Variants in TOX observed in about 807,000 individuals in gnomAD.
TOX encodes the protein thymocyte selection associated high mobility group box, also known as thymocyte selection-associated high mobility group box protein TOX.
A neutral mutation model predicts 53.7 loss-of-function variants in TOX; 11 were observed. The observed-to-expected ratio is 0.20, with a 90% CI of 0.13 to 0.34. The LOEUF (loss-of-function observed/expected upper bound fraction) is 0.34, where lower values mean the gene tolerates loss of function less well. TOX is among the 10% of genes least tolerant of loss of function. TOX has a pLI of 1.00. For missense variants in TOX, 570 were observed against 664.6 expected, an observed-to-expected ratio of 0.86 and a Z score of 1.56; for synonymous variants, 225 against 245.3, an observed-to-expected ratio of 0.92 and a Z score of 0.77.
chr8:58,939,936 A>G (rs1812408423), intron 2 of TOX, among the ~76,000 whole-genome samples: 1 of 152,230 alleles, frequency 6.6e-6, no homozygotes, highest in Non-Finnish European at 1.5e-5. Context: ...CCTACTGCTC[A>G]GATCATGGGA....
At chr8:59,021,481 A>AAAAAATATAT (rs59174995) in intron 1 of TOX, among the ~76,000 whole-genome samples, 5 of 64,736 alleles carry the variant, frequency 7.7e-5, no homozygotes, top group African/African-American at 1.1e-4. Flanking sequence ...AAAAAAAAAA[A>AAAAAATATAT]ATATATATAT....
intron 3 of TOX, among the ~76,000 whole-genome samples, chr8:58,874,290 C>T (rs1170892557): frequency 6.6e-6 from 1 of 151,866 alleles, no homozygotes; most frequent in Non-Finnish European, 1.5e-5. Context: ...TTTAGTAATA[C>T]AGGAGTGCCT....
intron 1 of TOX, among the ~76,000 whole-genome samples, chr8:59,084,450 C>G (rs1330770925): frequency 1.3e-5 from 2 of 152,112 alleles, no homozygotes; most frequent in African/African-American, 4.8e-5. Flanking sequence ...AAAAATACAC[C>G]TATCCATGCA....
intron 1 of TOX, among the ~76,000 whole-genome samples, chr8:58,988,875 G>T (rs962021858): frequency 3.3e-5 from 5 of 152,168 alleles, no homozygotes; most frequent in Admixed American, 2.6e-4. Flanking sequence ...GCAACTGTGA[G>T]ACTTGGAGAA....
chr8:58,893,594 T>C (rs567951938), intron 3 of TOX, among the ~76,000 whole-genome samples: 9 of 152,338 alleles, frequency 5.9e-5, no homozygotes, highest in African/African-American at 2.2e-4. Context: ...AGAGTTAATT[T>C]AGTAGCTCTC....
chr8:58,841,258 TA>T (rs1456079041), intron 4 of TOX, among the ~76,000 whole-genome samples: 1 of 152,196 alleles, frequency 6.6e-6, no homozygotes, highest in African/African-American at 2.4e-5. Flanking sequence ...AGCTTGTAAT[TA>T]CACAATAATG....
At chr8:58,895,292 G>A (rs1309596843) in intron 3 of TOX, among the ~76,000 whole-genome samples, 2 of 152,048 alleles carry the variant, frequency 1.3e-5, no homozygotes, top group African/African-American at 4.8e-5. Context: ...GTTAGTCTTT[G>A]GAAAAGTTTA....
chr8:59,021,648 T>C (rs560767072), intron 1 of TOX, among the ~76,000 whole-genome samples: 1 of 151,666 alleles, frequency 6.6e-6, no homozygotes, highest in Non-Finnish European at 1.5e-5. Context: ...CAAAAATAGA[T>C]TGGTTTTCTC....
intron 1 of TOX, among the ~76,000 whole-genome samples, chr8:59,037,507 A>G (rs1803490751): frequency 6.6e-6 from 1 of 152,144 alleles, no homozygotes; most frequent in Non-Finnish European, 1.5e-5. Flanking sequence ...CTTTGGGTCT[A>G]CATATTTCTT....
chr8:58,987,619 G>A (rs1813357465), intron 1 of TOX, among the ~76,000 whole-genome samples: 1 of 152,248 alleles, frequency 6.6e-6, no homozygotes, highest in African/African-American at 2.4e-5. Flanking sequence ...CTGGAACTCA[G>A]TTCTCAATCA....
intron 1 of TOX, among the ~76,000 whole-genome samples, chr8:59,012,699 A>T (rs1282506994): frequency 6.6e-6 from 1 of 152,164 alleles, no homozygotes. Flanking sequence ...AAAATAGCAC[A>T]TTTTTTAGAA....
chr8:58,987,643 C>T (rs1004681283), intron 1 of TOX, among the ~76,000 whole-genome samples: 6 of 152,188 alleles, frequency 3.9e-5, no homozygotes, highest in Non-Finnish European at 7.3e-5. Context: ...TTAAGGTCAA[C>T]GACATGAAAA....
At chr8:58,977,368 T>C (rs1813120849) in intron 1 of TOX, among the ~76,000 whole-genome samples, 3 of 152,230 alleles carry the variant, frequency 2.0e-5, no homozygotes. Flanking sequence ...TGCTCTGGAT[T>C]AGGCCTTGGT....
intron 3 of TOX, among the ~76,000 whole-genome samples, chr8:58,887,933 C>T (rs1337096388): frequency 6.6e-6 from 1 of 152,012 alleles, no homozygotes; most frequent in Non-Finnish European, 1.5e-5. Flanking sequence ...GTGATTTTGT[C>T]ACTGTGTAAA....
At position 58,808,228 on chromosome 8, in the gene TOX, A is replaced by C. The variant is rs746953073; in HGVS notation, c.1434T>G (p.Pro478=). The change falls in exon 8 of 9, where the codon CCT becomes CCG. Residue 478 remains proline (P), a synonymous_variant. Coordinates refer to ENST00000361421, the MANE Select transcript of TOX (RefSeq NM_014729.3). ...LQPDYQTIIN[P]TSTAAQVVTQ... ...TGACAACTTGTGCAGCTGTAGATGT[A>C]GGATTGATAATAGTCTGATAGTCGG... 5 of 1,614,060 alleles carry C rather than the reference A, an allele frequency of 3.1e-6. No individual in the cohort carries two copies. Among genetic ancestry groups the C allele is most frequent in the African/African-American group, 1.3e-5 (1 of 75,056 alleles).
intron 3 of TOX, among the ~76,000 whole-genome samples, chr8:58,910,750 C>T (rs1016837166): frequency 2.0e-5 from 3 of 152,218 alleles, no homozygotes; most frequent in East Asian, 1.9e-4. Flanking sequence ...AAGAAATAGG[C>T]GCAAAGAAAT....
chr8:59,054,432 A>G (rs74611828), intron 1 of TOX, among the ~76,000 whole-genome samples: 2 of 152,244 alleles, frequency 1.3e-5, no homozygotes, highest in African/African-American at 2.4e-5. Flanking sequence ...TTGCCAATCT[A>G]TCCTTAGAGT....
At chr8:58,909,318 C>G (rs1193907849) in intron 3 of TOX, among the ~76,000 whole-genome samples, 1 of 152,016 alleles carries the variant, frequency 6.6e-6, no homozygotes, top group Admixed American at 6.6e-5. Context: ...ATGTAACAGG[C>G]CTGCACGTCC....
At chr8:58,990,959 G>A (rs948027306) in intron 1 of TOX, among the ~76,000 whole-genome samples, 2 of 152,172 alleles carry the variant, frequency 1.3e-5, no homozygotes, top group Admixed American at 1.3e-4. Context: ...TAAATCTAAC[G>A]TGTATTGAGC....
Sources: allele counts gnomAD v4.1 joint callset (sites outside exome capture counted in the v4.1 genomes callset), GRCh38; gene constraint gnomAD v4.1.1; transcripts MANE v1.5; gene names NCBI Gene and HGNC (gene_info 2026-07-23, HGNC 2026-07-21).